Variants in PAPOLA observed in about 807,000 individuals in gnomAD.
The protein encoded by PAPOLA is polynucleotide adenylyltransferase alpha.
Under a neutral mutation model 100.6 loss-of-function variants are expected in PAPOLA, and 15 were observed. The ratio of observed to expected loss-of-function variants is 0.15; its 90% confidence interval spans 0.10 to 0.23. PAPOLA has a LOEUF of 0.23. Ranked by LOEUF, PAPOLA falls within the 10% of genes least tolerant of loss-of-function variation. The pLI is 1.00. For synonymous variants in PAPOLA, 293 were observed against 300.0 expected (o/e 0.98, Z 0.24); for missense variants, 533 against 884.2 (o/e 0.60, Z 5.04).
In PAPOLA at chr14:96,502,395, G is replaced by T. The variant is rs1215493564; in HGVS notation, c.-198G>T. ...GTCAGCAGTTCTAGAACGTTGCTGT[G>T]GTAGCGCTCGGGCGCCATGTTAGGA... On this transcript the variant is annotated 5_prime_UTR_variant, in exon 1 of 22. Coordinates refer to ENST00000216277, the MANE Select transcript of PAPOLA (RefSeq NM_032632.5). 2 of 697,234 alleles carry T rather than the reference G, an allele frequency of 2.9e-6. No individual in the cohort carries two copies. 43.2% of individuals were successfully genotyped at this position (697,234 alleles called of 1,614,324 possible).
At chr14:96,521,720 C>G (rs1897980392) in intron 3 of PAPOLA, among the ~76,000 whole-genome samples, 1 of 152,182 alleles carries the variant, frequency 6.6e-6, no homozygotes, top group Admixed American at 6.5e-5. Context: ...CTCAAGCAGT[C>G]CTCTCATCTT....
At position 96,542,384 on chromosome 14, in the gene PAPOLA, C is replaced by G. The variant is rs1900062697; in HGVS notation, c.1169+88C>G. The G allele has an allele frequency of 6.4e-6, 5 of 775,540 alleles. No homozygotes were observed. The Admixed American group carries it at 9.4e-5, about 15-fold the overall frequency. 48.0% of individuals were successfully genotyped at this position (775,540 alleles called of 1,614,324 possible). A position where few individuals can be genotyped will look rare whatever the true frequency, so the allele number is the denominator to read the frequency against. On this transcript the variant is annotated intron_variant, in intron 13 of 21. Coordinates refer to ENST00000216277, the MANE Select transcript of PAPOLA (RefSeq NM_032632.5). Reference sequence around the variant, plus strand: ...ACACAGTAGGAGATGGGAGGAAGTCCTTAAAACTTCTAGTTTGGTTTGATT... The same window carrying G: ...ACACAGTAGGAGATGGGAGGAAGTCGTTAAAACTTCTAGTTTGGTTTGATT...
intron 19 of PAPOLA, among the ~76,000 whole-genome samples, chr14:96,560,194 CA>C (rs1190462886): frequency 6.6e-6 from 1 of 152,128 alleles, no homozygotes; most frequent in Non-Finnish European, 1.5e-5. Flanking sequence ...GTACCAAGAG[CA>C]AGGATTCTCT....
At chr14:96,509,631 A>G (rs1896969844) in intron 1 of PAPOLA, among the ~76,000 whole-genome samples, 2 of 152,202 alleles carry the variant, frequency 1.3e-5, no homozygotes, top group African/African-American at 4.8e-5. Context: ...CTATGCACCT[A>G]GGCCTATGCA....
rs937591062 is a variant in PAPOLA at position 96,533,134 on chromosome 14, G to C, written c.836+485G>C. ...AGAATAAATTAACATTAAGTGCTTC[G>C]GGACAAAAAAGGAATTTGAGATTAG... On this transcript the variant is annotated intron_variant, in intron 9 of 21. Transcript: ENST00000216277. The C allele has an allele frequency of 5.8e-5, 57 of 982,660 alleles. No individual in the cohort carries two copies. In the Middle Eastern group the frequency reaches 1.6e-3, roughly 27 times the overall value. The allele number at this position is 982,660 out of a possible 1,614,324, so 60.9% of individuals were successfully genotyped here. A position where few individuals can be genotyped will look rare whatever the true frequency, so the allele number is the denominator to read the frequency against.
At chr14:96,545,237 C>T (rs940166385) in intron 15 of PAPOLA, among the ~76,000 whole-genome samples, 5 of 151,944 alleles carry the variant, frequency 3.3e-5, no homozygotes, top group African/African-American at 9.7e-5. Flanking sequence ...AAGTCAGTAT[C>T]GTACACTAAC....
Position 96,555,883 on chromosome 14 carries a change from T to C in PAPOLA, c.1701T>C (p.Ser567=). 6.2e-7 allele frequency: 1 copy of C among 1,611,012 alleles called. No homozygotes were observed. Among genetic ancestry groups the C allele is most frequent in the African/African-American group, 1.3e-5 (1 of 74,956 alleles). The change falls in exon 18 of 22, where the codon TCT becomes TCC. Residue 567 remains serine, a synonymous_variant. Transcript: ENST00000216277. ...CTGCTCCAGCTGTAACAGCAGCATC[T>C]GTGACCAACATACAGGCTACTGAAG... The part of the protein sequence containing the change: ...NSPAPAVTAA[S]VTNIQATEVS...
intron 15 of PAPOLA, 48 bp from the exon 16 acceptor site, chr14:96,547,749 C>G (rs745452165): frequency 1.4e-6 from 2 of 1,473,938 alleles, no homozygotes; most frequent in Non-Finnish European, 1.9e-6. Context: ...GTATAACTGC[C>G]TTTATTAAAA....
At chr14:96,526,160 A>G (rs1469398596) in intron 4 of PAPOLA, 1 of 152,252 alleles carries the variant, frequency 6.6e-6, no homozygotes, top group Non-Finnish European at 1.5e-5. Flanking sequence ...TACCTCGGCA[A>G]AGAACATTTA....
At chr14:96,518,880 A>G (rs1367814214) in intron 1 of PAPOLA, among the ~76,000 whole-genome samples, 4 of 151,590 alleles carry the variant, frequency 2.6e-5, no homozygotes, top group African/African-American at 9.7e-5. Flanking sequence ...AACATGGTGA[A>G]ACCCTGTCTC....
chr14:96,520,815 C>CTG, intron 2 of PAPOLA, 191 bp from the exon 3 acceptor site: 1 of 493,020 alleles, frequency 2.0e-6, no homozygotes, highest in South Asian at 2.8e-5. Flanking sequence ...GTAACAGTGC[C>CTG]TGTATATATA....
chr14:96,508,690 A>G (rs1896898782), intron 1 of PAPOLA, among the ~76,000 whole-genome samples: 1 of 152,194 alleles, frequency 6.6e-6, no homozygotes, highest in Non-Finnish European at 1.5e-5. Flanking sequence ...AGCTTCTTTC[A>G]GGTAAAATGA....
chr14:96,559,581 C>CTCTCTCTCTCTCTCTCTATATA (rs370979875), intron 19 of PAPOLA, among the ~76,000 whole-genome samples: 2 of 120,176 alleles, frequency 1.7e-5, no homozygotes, highest in African/African-American at 6.7e-5. Flanking sequence ...CTCTCTCTCT[C>CTCTCTCTCTCTCTCTCTATATA]TATATATATA....
intron 18 of PAPOLA, 70 bp downstream of exon 18, chr14:96,556,017 G>C (rs1901292194): frequency 8.0e-7 from 1 of 1,250,280 alleles, no homozygotes; most frequent in Non-Finnish European, 1.2e-6. Context: ...ATTTTGAAAA[G>C]TGGGTTTGTT....
At chr14:96,560,754 A>G in intron 20 of PAPOLA, 43 bp downstream of exon 20, 2 of 1,162,244 alleles carry the variant, frequency 1.7e-6, no homozygotes, top group East Asian at 4.7e-5. Context: ...AATTAAGAGT[A>G]CAGAAGATGT....
chr14:96,538,731 T>C (rs1324153557), intron 12 of PAPOLA, among the ~76,000 whole-genome samples: 1 of 152,040 alleles, frequency 6.6e-6, no homozygotes, highest in Non-Finnish European at 1.5e-5. Context: ...GATAAAGTGA[T>C]GACTATCATT....
At chr14:96,527,358 A>T (rs878990366) in intron 4 of PAPOLA, 72 bp from the exon 5 acceptor site, 1 of 879,382 alleles carries the variant, frequency 1.1e-6, no homozygotes, top group Admixed American at 2.0e-5. Flanking sequence ...AACATCAAAT[A>T]CTACCATGAT....
At chr14:96,560,845 G>A in intron 20 of PAPOLA, 134 bp downstream of exon 20, 1 of 598,104 alleles carries the variant, frequency 1.7e-6, no homozygotes, top group South Asian at 2.4e-5. Context: ...TGTTAATTAT[G>A]TAATGCTGAA....
rs757404652 is a variant in PAPOLA at position 96,520,010 on chromosome 14, T to C, written c.9-45T>C. 21 of 1,472,084 alleles carry C rather than the reference T, an allele frequency of 1.4e-5. No individual in the cohort carries two copies. In the South Asian group the frequency reaches 1.7e-4, roughly 12 times the overall value. 91.2% of individuals were successfully genotyped at this position (1,472,084 alleles called of 1,614,324 possible). On this transcript the variant is annotated intron_variant, in intron 1 of 21. Transcript: ENST00000216277. The stretch of plus-strand genomic sequence containing the variant: ...TCTGGTCTTACTGATTTGTTTCAAA[T>C]TGTAGAATTCTTTTGGCAGTAATTG...
Sources: allele counts gnomAD v4.1 joint callset (sites outside exome capture counted in the v4.1 genomes callset), GRCh38; gene constraint gnomAD v4.1.1; transcripts MANE v1.5; gene names NCBI Gene and HGNC (gene_info 2026-07-23, HGNC 2026-07-21).